PM20D2: variants seen among roughly 807,000 people sequenced by gnomAD.
The protein encoded by PM20D2 is xaa-Arg dipeptidase.
A neutral mutation model predicts 42.9 loss-of-function variants in PM20D2; 33 were observed. The observed-to-expected ratio is 0.77, with a 90% CI of 0.58 to 1.03. The LOEUF is 1.03. PM20D2 is among the 50% of genes least tolerant of loss of function. The probability of loss-of-function intolerance (pLI) is 0.00; values close to 1 mark genes in which losing one functional copy is unlikely to be tolerated. For missense variants in PM20D2, 548 were observed against 557.0 expected, an observed-to-expected ratio of 0.98 and a Z score of 0.16; for synonymous variants, 250 against 228.2, an observed-to-expected ratio of 1.10 and a Z score of -0.86.
the PM20D2 span, among the ~76,000 whole-genome samples, chr6:89,121,113 AG>A: frequency 4.6e-5 from 7 of 152,120 alleles, no homozygotes; most frequent in African/African-American, 1.4e-4. Flanking sequence ...ATGTATGGAT[AG>A]GGGGTGTTTT....
intron 1 of PM20D2, among the ~76,000 whole-genome samples, chr6:89,147,174 G>A (rs1160436355): frequency 6.6e-6 from 1 of 152,146 alleles, no homozygotes; most frequent in East Asian, 1.9e-4. Flanking sequence ...ATTATACATA[G>A]ATGAGTTCAT....
At chr6:89,121,457 T>C in the PM20D2 span, among the ~76,000 whole-genome samples, 3 of 152,170 alleles carry the variant, frequency 2.0e-5, no homozygotes, top group African/African-American at 7.2e-5. Context: ...AGCTGTATTT[T>C]GTCTTCCCTT....
In PM20D2 at chr6:89,162,291, G is replaced by C; in HGVS notation, c.*28G>C. On this transcript the variant is annotated 3_prime_UTR_variant, in exon 7 of 7. Coordinates refer to ENST00000275072, the MANE Select transcript of PM20D2 (RefSeq NM_001010853.3). ...GACTTAGGGGCCACTTATAAATCAAGAAGACGTGATGATTTTTTTCTTTTA... is the reference window on the plus strand; with the variant it reads ...GACTTAGGGGCCACTTATAAATCAACAAGACGTGATGATTTTTTTCTTTTA... The C allele has an allele frequency of 6.4e-7, 1 of 1,573,406 alleles. No individual in the cohort carries two copies. Among genetic ancestry groups the C allele is most frequent in the East Asian group, 2.2e-5 (1 of 44,454 alleles).
the PM20D2 span, among the ~76,000 whole-genome samples, chr6:89,140,136 G>A: frequency 1.2e-4 from 19 of 152,100 alleles, no homozygotes; most frequent in African/African-American, 4.3e-4. Flanking sequence ...GAGATGGGGG[G>A]GTGGTCTCAC....
chr6:89,128,084 CAA>C, the PM20D2 span, among the ~76,000 whole-genome samples: 1 of 152,040 alleles, frequency 6.6e-6, no homozygotes, highest in African/African-American at 2.4e-5. Flanking sequence ...TTTTAGGGAA[CAA>C]GAGAAGATAA....
chr6:89,162,311 CTTTTA>C lies in PM20D2; in HGVS notation c.*49_*53del. On this transcript the variant is annotated 3_prime_UTR_variant, in exon 7 of 7. Transcript: ENST00000275072. ...ATCAAGAAGACGTGATGATTTTTTT[CTTTTA>C]ATCTCTTTTAATGAAGGCATGCTTG... is the stretch of plus-strand genomic sequence containing the variant. The C allele has an allele frequency of 6.6e-7, 1 of 1,503,858 alleles. No homozygotes were observed. The highest frequency in any genetic ancestry group is 9.0e-7 in the Non-Finnish European group (1 of 1,109,502). 93.2% of individuals were successfully genotyped at this position (1,503,858 alleles called of 1,614,324 possible). A position where few individuals can be genotyped will look rare whatever the true frequency, so the allele number is the denominator to read the frequency against.
chr6:89,104,019 G>T, the PM20D2 span, among the ~76,000 whole-genome samples: 2 of 38,186 alleles, frequency 5.2e-5, no homozygotes, highest in African/African-American at 1.3e-4. Context: ...TTTTTTTTTG[G>T]AGAGACGGAG....
chr6:89,133,580 C>G, the PM20D2 span, among the ~76,000 whole-genome samples: 2 of 151,038 alleles, frequency 1.3e-5, no homozygotes, highest in Non-Finnish European at 2.9e-5. Context: ...CCTCCCTTGC[C>G]TGTAGATATG....
the PM20D2 span, among the ~76,000 whole-genome samples, chr6:89,118,459 T>G: frequency 2.0e-5 from 3 of 152,172 alleles, no homozygotes; most frequent in Non-Finnish European, 4.4e-5. Flanking sequence ...CCTTCGGCTT[T>G]CCAACTGTGA....
chr6:89,116,874 G>A, the PM20D2 span, among the ~76,000 whole-genome samples: 2 of 152,070 alleles, frequency 1.3e-5, no homozygotes, highest in Non-Finnish European at 2.9e-5. Flanking sequence ...GGAGTCAAGA[G>A]CTCCATGTAT....
the PM20D2 span, among the ~76,000 whole-genome samples, chr6:89,120,234 A>T: frequency 1.3e-5 from 2 of 152,200 alleles, no homozygotes; most frequent in East Asian, 3.9e-4. Context: ...GAGCCAAATG[A>T]TATCAGCCAT....
At chr6:89,149,774 A>G (rs991325728) in intron 2 of PM20D2, among the ~76,000 whole-genome samples, 3 of 152,216 alleles carry the variant, frequency 2.0e-5, no homozygotes, top group Non-Finnish European at 2.9e-5. Context: ...TCTATTAGCT[A>G]TGGGAAGAAA....
Position 89,158,336 on chromosome 6 carries a change from A to AG in PM20D2, c.926dup (p.Gly310TrpfsTer4), listed in dbSNP as rs1771120208. On this transcript the variant is annotated frameshift_variant, in exon 5 of 7. Transcript: ENST00000275072. LOFTEE classifies it high-confidence loss of function. Reference sequence around the variant, plus strand: ...CAATTTTTTATTAGGTGGAAATTAAAGGTGGAGCACATGATTATTACAATG... The same window carrying AG: ...CAATTTTTTATTAGGTGGAAATTAAAGGGTGGAGCACATGATTATTACAATG... 1 of 1,573,292 alleles carries AG rather than the reference A, an allele frequency of 6.4e-7. No individual in the cohort carries two copies. The highest frequency in any genetic ancestry group is 8.6e-7 in the Non-Finnish European group (1 of 1,166,752).
At chr6:89,131,414 A>T in the PM20D2 span, among the ~76,000 whole-genome samples, 1 of 149,976 alleles carries the variant, frequency 6.7e-6, no homozygotes, top group Non-Finnish European at 1.5e-5. Flanking sequence ...CTGGCTGAGT[A>T]CGGTGGCTCA....
chr6:89,136,785 G>C, the PM20D2 span, among the ~76,000 whole-genome samples: 108,871 of 150,364 alleles, frequency 0.72, 40,056 homozygotes, highest in East Asian at 0.8. Flanking sequence ...ATAAATTTCT[G>C]TTTTGATGAA....
chr6:89,102,941 T>G, the PM20D2 span, among the ~76,000 whole-genome samples: 3 of 152,112 alleles, frequency 2.0e-5, no homozygotes, highest in South Asian at 6.2e-4. Flanking sequence ...TTTTTTTAGT[T>G]TTTGTAGACA....
intron 2 of PM20D2, among the ~76,000 whole-genome samples, chr6:89,151,153 CAAAA>C (rs147104190): frequency 7.8e-6 from 1 of 128,220 alleles, no homozygotes; most frequent in Admixed American, 8.1e-5. Flanking sequence ...AACTCCATCT[CAAAA>C]AAAAAGAAAA....
At chr6:89,112,645 C>T in the PM20D2 span, among the ~76,000 whole-genome samples, 14 of 151,872 alleles carry the variant, frequency 9.2e-5, no homozygotes, top group Non-Finnish European at 1.5e-4. Flanking sequence ...CTCCTGTCCT[C>T]AAGGGATCCT....
chr6:89,141,615 C>T (rs111836686), upstream of PM20D2, among the ~76,000 whole-genome samples: 1,018 of 152,304 alleles, frequency 6.7e-3, 13 homozygotes, highest in African/African-American at 0.024. Context: ...ATTCGCCCAT[C>T]TCGGCCTCCC....
Sources: allele counts gnomAD v4.1 joint callset (sites outside exome capture counted in the v4.1 genomes callset), GRCh38; gene constraint gnomAD v4.1.1; transcripts MANE v1.5; gene names NCBI Gene and HGNC (gene_info 2026-07-23, HGNC 2026-07-21).